STXBP4: variants seen among roughly 807,000 people sequenced by gnomAD.
STXBP4 encodes the protein syntaxin-binding protein 4.
In STXBP4, 55 loss-of-function variants were observed where a neutral mutation model predicts 76.1. That is an observed-to-expected ratio of 0.72 (90% CI 0.58 to 0.91). STXBP4 has a LOEUF of 0.91. Among genes scored for constraint, STXBP4 ranks in the 40% least tolerant of loss-of-function variants. STXBP4 has a pLI of 0.00. For synonymous variants in STXBP4, 201 were observed against 220.2 expected, an observed-to-expected ratio of 0.91 and a Z score of 0.77; for missense variants, 618 against 636.9, an observed-to-expected ratio of 0.97 and a Z score of 0.32.
chr17:55,125,706 C>T (rs1022413944), intron 16 of STXBP4, among the ~76,000 whole-genome samples: 2 of 152,000 alleles, frequency 1.3e-5, no homozygotes, highest in Admixed American at 6.6e-5. Context: ...AAGTAGTGAC[C>T]CTGAACTTGC....
At chr17:55,137,144 A>T (rs907546747) in intron 16 of STXBP4, among the ~76,000 whole-genome samples, 1 of 152,152 alleles carries the variant, frequency 6.6e-6, no homozygotes, top group African/African-American at 2.4e-5. Flanking sequence ...CAATTGAAGA[A>T]CATTACATAT....
Position 55,113,644 on chromosome 17 carries a change from G to T in STXBP4, c.1490-27666G>T, listed in dbSNP as rs1240064509. ...TATTTTCTGCTGATATAAAAAAAAAGTGTTAAACTTTATTTTTGTTATTTT... is the reference window on the plus strand; with the variant it reads ...TATTTTCTGCTGATATAAAAAAAAATTGTTAAACTTTATTTTTGTTATTTT... On this transcript the variant is annotated intron_variant, in intron 16 of 17. Transcript: ENST00000376352. Among the ~76,000 whole-genome samples the T allele has an allele frequency of 2.6e-5, 4 of 152,156 alleles. No individual in the cohort carries two copies. The East Asian group carries it at 7.7e-4, about 29-fold the overall frequency.
the STXBP4 span, among the ~76,000 whole-genome samples, chr17:55,204,675 T>C: frequency 6.6e-6 from 1 of 152,042 alleles, no homozygotes; most frequent in Non-Finnish European, 1.5e-5. Context: ...CCTATATGAA[T>C]AAAAAAGAAA....
In STXBP4 at chr17:55,043,756, A is replaced by G. The variant is rs138597943; in HGVS notation, c.945+431A>G. On this transcript the variant is annotated intron_variant, in intron 11 of 17. Coordinates refer to ENST00000376352, the MANE Select transcript of STXBP4 (RefSeq NM_178509.6). ...GTTTTGCTAACGTAATTTGGAATTA[A>G]TATTATTTTAGAGAGGAAAAAAACA... The G allele has an allele frequency of 3.0e-3, 3,067 of 1,026,782 alleles. 12 individuals carry two copies. Among genetic ancestry groups the G allele is most frequent in the Non-Finnish European group, 4.0e-3 (2,825 of 712,488 alleles). The allele number at this position is 1,026,782 out of a possible 1,614,324, so 63.6% of individuals were successfully genotyped here.
chr17:55,128,872 C>T (rs1255511554), intron 16 of STXBP4, among the ~76,000 whole-genome samples: 1 of 151,780 alleles, frequency 6.6e-6, no homozygotes, highest in Middle Eastern at 3.5e-3. Context: ...TCCTTGGCCT[C>T]CCAAAGTGCT....
the STXBP4 span, among the ~76,000 whole-genome samples, chr17:55,205,465 G>A: frequency 1.3e-5 from 2 of 151,512 alleles, no homozygotes; most frequent in East Asian, 3.9e-4. Context: ...ACTTGTATAG[G>A]GCAAAAGATA....
Position 55,149,809 on chromosome 17 carries a change from T to A in STXBP4, c.1547+8442T>A, listed in dbSNP as rs149470132. ...AAAGATATGTAGGAATATGAAGTACTGTGTGAGAAATTGTCATGAAATGAA... is the reference window on the plus strand; with the variant it reads ...AAAGATATGTAGGAATATGAAGTACAGTGTGAGAAATTGTCATGAAATGAA... On this transcript the variant is annotated intron_variant, in intron 17 of 17. Coordinates refer to ENST00000376352, the MANE Select transcript of STXBP4 (RefSeq NM_178509.6). Among the ~76,000 whole-genome samples, 507 of 152,308 alleles carry A rather than the reference T, an allele frequency of 3.3e-3. 2 individuals are homozygous for A. Among genetic ancestry groups the A allele is most frequent in the African/African-American group, 0.011 (471 of 41,566 alleles).
chr17:55,083,130 C>T (rs1481658822), intron 16 of STXBP4, among the ~76,000 whole-genome samples: 6 of 151,862 alleles, frequency 4.0e-5, no homozygotes, highest in Admixed American at 1.3e-4. Flanking sequence ...GTGTACATCA[C>T]CATGCCTGGC....
At chr17:55,047,316 CA>C (rs2078803982) in intron 12 of STXBP4, among the ~76,000 whole-genome samples, 162 bp downstream of exon 12, 1 of 151,502 alleles carries the variant, frequency 6.6e-6, no homozygotes, top group African/African-American at 2.4e-5. Flanking sequence ...AGCTTAAAAG[CA>C]ATCACTTTTG....
intron 1 of STXBP4, among the ~76,000 whole-genome samples, chr17:54,977,514 G>A (rs1227285299): frequency 6.6e-6 from 1 of 152,204 alleles, no homozygotes; most frequent in Non-Finnish European, 1.5e-5. Context: ...TTTTATATCA[G>A]GGACTTGAAT....
At chr17:55,036,778 A>T (rs2078611432) in intron 10 of STXBP4, among the ~76,000 whole-genome samples, 1 of 152,060 alleles carries the variant, frequency 6.6e-6, no homozygotes, top group Non-Finnish European at 1.5e-5. Context: ...TTAAAAACAA[A>T]AATTGCACTT....
In STXBP4 at chr17:55,165,924, C is replaced by T. The variant is rs933280417; in HGVS notation, c.*6013C>T. On this transcript the variant is annotated 3_prime_UTR_variant, in exon 18 of 18. Transcript: ENST00000376352. ...TCTTGATCGTACACTTCCCAGCCTC[C>T]AGAGCTGTGAACAATACATTTATAT... 1 of 152,184 alleles carries T rather than the reference C, an allele frequency of 6.6e-6. No individual in the cohort carries two copies. Among genetic ancestry groups the T allele is most frequent in the African/African-American group, 2.4e-5 (1 of 41,432 alleles). 9.4% of individuals were successfully genotyped at this position (152,184 alleles called of 1,614,324 possible).
chr17:55,073,995 A>T (rs1041689737), intron 13 of STXBP4, among the ~76,000 whole-genome samples: 5 of 152,168 alleles, frequency 3.3e-5, no homozygotes, highest in African/African-American at 1.2e-4. Flanking sequence ...GAGGCTTCAA[A>T]AATCTATAAT....
At chr17:55,204,613 C>T in the STXBP4 span, among the ~76,000 whole-genome samples, 1 of 151,990 alleles carries the variant, frequency 6.6e-6, no homozygotes, top group African/African-American at 2.4e-5. Context: ...CACCTTAATC[C>T]CTCCTTAGTC....
intron 16 of STXBP4, among the ~76,000 whole-genome samples, chr17:55,106,753 G>A (rs528397065): frequency 2.0e-4 from 30 of 152,248 alleles, no homozygotes; most frequent in African/African-American, 6.5e-4. Context: ...ATTCTGGGTT[G>A]AAAATTCTTT....
At chr17:55,180,606 G>T in the STXBP4 span, among the ~76,000 whole-genome samples, 5 of 152,198 alleles carry the variant, frequency 3.3e-5, no homozygotes, top group Non-Finnish European at 7.3e-5. Context: ...GACTTTACAG[G>T]TAAGGCAACC....
chr17:55,174,801 A>G (rs191925194), downstream of STXBP4, among the ~76,000 whole-genome samples: 37 of 152,276 alleles, frequency 2.4e-4, no homozygotes, highest in Middle Eastern at 3.4e-3. Context: ...TAGATCCCAG[A>G]TATCTACCTA....
intron 16 of STXBP4, among the ~76,000 whole-genome samples, chr17:55,082,894 G>A (rs1048770293): frequency 6.6e-6 from 1 of 152,058 alleles, no homozygotes; most frequent in Non-Finnish European, 1.5e-5. Context: ...GAAATAAAAT[G>A]AAGTTATTAT....
the STXBP4 span, among the ~76,000 whole-genome samples, chr17:55,183,092 T>C: frequency 6.6e-6 from 1 of 152,164 alleles, no homozygotes; most frequent in African/African-American, 2.4e-5. Flanking sequence ...TCTAAACCTA[T>C]TGATAGGCAG....
Sources: allele counts gnomAD v4.1 joint callset (sites outside exome capture counted in the v4.1 genomes callset), GRCh38; gene constraint gnomAD v4.1.1; transcripts MANE v1.5; gene names NCBI Gene and HGNC (gene_info 2026-07-23, HGNC 2026-07-21).